ERG: variants seen among roughly 807,000 people sequenced by gnomAD.
ERG encodes the protein ETS transcription factor ERG, also known as transcriptional regulator ERG.
In ERG, 9 loss-of-function variants were observed where a neutral mutation model predicts 55.3. That is an observed-to-expected ratio of 0.16 (90% CI 0.10 to 0.28). The LOEUF (loss-of-function observed/expected upper bound fraction) is 0.28, where lower values mean the gene tolerates loss of function less well. ERG is among the 10% of genes least tolerant of loss of function. The pLI is 1.00. For synonymous variants in ERG, 223 were observed against 237.3 expected (o/e 0.94, Z 0.55); for missense variants, 434 against 631.6 (o/e 0.69, Z 3.35).
intron 2 of ERG, among the ~76,000 whole-genome samples, chr21:38,560,202 A>G (rs1024467802): frequency 2.6e-5 from 4 of 152,260 alleles, no homozygotes; most frequent in African/African-American, 9.6e-5. Flanking sequence ...AAGGAGGGTG[A>G]CAATGTCAAG....
intron 2 of ERG, among the ~76,000 whole-genome samples, chr21:38,429,742 T>TACAC (rs377310789): frequency 0.33 from 35,220 of 105,910 alleles, 7,610 homozygotes; most frequent in Middle Eastern, 0.45. Flanking sequence ...TGTGTATATA[T>TACAC]ATATACACAC....
At chr21:38,589,797 T>C (rs1268976404), upstream of ERG, among the ~76,000 whole-genome samples, 1 of 152,168 alleles carries the variant, frequency 6.6e-6, no homozygotes, top group Non-Finnish European at 1.5e-5. Context: ...AAACCAACTC[T>C]GAAGGCATCT....
chr21:38,646,462 T>C (rs1261469890), intron 1 of ERG, among the ~76,000 whole-genome samples: 1 of 152,126 alleles, frequency 6.6e-6, no homozygotes, highest in Admixed American at 6.5e-5. Flanking sequence ...TCAAACAGAA[T>C]GTTAGATTCT....
chr21:38,466,800 A>G (rs569807666), intron 1 of ERG, among the ~76,000 whole-genome samples: 31 of 152,164 alleles, frequency 2.0e-4, no homozygotes, highest in Non-Finnish European at 3.5e-4. Flanking sequence ...GGGAGCCCCA[A>G]ACTGTGAAGT....
At chr21:38,393,238 A>G (rs937775802) in intron 6 of ERG, among the ~76,000 whole-genome samples, 1 of 152,240 alleles carries the variant, frequency 6.6e-6, no homozygotes, top group Non-Finnish European at 1.5e-5. Context: ...TACTTTTCAT[A>G]TGCAAATTTA....
intron 5 of ERG, among the ~76,000 whole-genome samples, chr21:38,401,422 C>A (rs533710826): frequency 4.6e-5 from 7 of 152,106 alleles, no homozygotes; most frequent in Non-Finnish European, 8.8e-5. Context: ...ATGTGTGCAA[C>A]CAAAATTATT....
intron 2 of ERG, among the ~76,000 whole-genome samples, chr21:38,435,122 C>T (rs1990388964): frequency 6.6e-6 from 1 of 152,108 alleles, no homozygotes; most frequent in Non-Finnish European, 1.5e-5. Flanking sequence ...GCGAGAGAAC[C>T]CCCACAAGGA....
intron 3 of ERG, among the ~76,000 whole-genome samples, chr21:38,406,687 C>G (rs557180976): frequency 6.6e-6 from 1 of 151,864 alleles, no homozygotes. Flanking sequence ...ACTGTACTTC[C>G]TAGAAATAAG....
intron 1 of ERG, among the ~76,000 whole-genome samples, chr21:38,494,948 G>A (rs755059299): frequency 3.7e-4 from 56 of 152,218 alleles, no homozygotes; most frequent in African/African-American, 7.5e-4. Flanking sequence ...GCCACTTTTC[G>A]GCAAGGACAA....
intron 2 of ERG, chr21:38,575,522 AT>A (rs2059989391): frequency 3.2e-6 from 2 of 627,108 alleles, no homozygotes; most frequent in East Asian, 5.4e-5. Flanking sequence ...TTTTTCAACC[AT>A]TTAAAAAAGT....
chr21:38,451,205 G>A (rs1964637504), intron 1 of ERG: 3 of 509,292 alleles, frequency 5.9e-6, no homozygotes, highest in African/African-American at 1.9e-5. Flanking sequence ...GATCTGGGAT[G>A]GAATAAAGGA....
At chr21:38,468,982 C>CAAAAAAAAAAA (rs1261630693) in intron 1 of ERG, among the ~76,000 whole-genome samples, 45 of 29,006 alleles carry the variant, frequency 1.6e-3, no homozygotes, top group Non-Finnish European at 2.1e-3. Context: ...GACTCTGTCT[C>CAAAAAAAAAAA]AAAAAAAAAA....
the ERG span, among the ~76,000 whole-genome samples, chr21:38,368,606 G>T: frequency 2.0e-5 from 3 of 152,242 alleles, no homozygotes; most frequent in African/African-American, 7.2e-5. Flanking sequence ...AACTGTATCA[G>T]ACTTTTTTTT....
chr21:38,415,468 A>G (rs754923837), intron 3 of ERG, among the ~76,000 whole-genome samples: 1 of 152,206 alleles, frequency 6.6e-6, no homozygotes, highest in Non-Finnish European at 1.5e-5. Flanking sequence ...TACACATAAT[A>G]AACTTTGATG....
At chr21:38,539,568 C>T (rs73438148) in intron 2 of ERG, among the ~76,000 whole-genome samples, 1,554 of 152,200 alleles carry the variant, frequency 0.01, 31 homozygotes, top group African/African-American at 0.035. Context: ...CATGAGAAGA[C>T]AGAAATCGAC....
At chr21:38,473,497 C>G (rs778755498) in intron 1 of ERG, among the ~76,000 whole-genome samples, 11 of 151,280 alleles carry the variant, frequency 7.3e-5, no homozygotes, top group African/African-American at 2.2e-4. Flanking sequence ...ATTTTAGATA[C>G]CAGAGAGTGG....
At chr21:38,638,893 A>C (rs745984417) in intron 1 of ERG, among the ~76,000 whole-genome samples, 2 of 152,106 alleles carry the variant, frequency 1.3e-5, no homozygotes, top group Non-Finnish European at 2.9e-5. Context: ...CTCCAGAGAG[A>C]AATCAGGGAC....
At position 38,425,382 on chromosome 21, in the gene ERG, T is replaced by A. The variant is rs116568874; in HGVS notation, c.237-1821A>T. 5.0e-3 allele frequency among the ~76,000 whole-genome samples: 728 copies of A among 145,668 alleles called. 2 individuals are homozygous for A. The highest frequency in any genetic ancestry group is 0.017 in the African/African-American group (683 of 39,218). The stretch of plus-strand genomic sequence containing the variant: ...CCTGGGCAACATGAGTGAAACTCCA[T>A]CAAAAAAAGAAGAAAGGAAAGAAAG... On this transcript the variant is annotated intron_variant, in intron 2 of 9. Coordinates refer to ENST00000288319, the MANE Select transcript of ERG (RefSeq NM_182918.4).
intron 2 of ERG, among the ~76,000 whole-genome samples, chr21:38,543,439 A>G (rs1217505982): frequency 1.3e-5 from 2 of 151,594 alleles, no homozygotes; most frequent in Non-Finnish European, 2.9e-5. Context: ...GTATATACAC[A>G]TATCTTTATA....
Sources: allele counts gnomAD v4.1 joint callset (sites outside exome capture counted in the v4.1 genomes callset), GRCh38; gene constraint gnomAD v4.1.1; transcripts MANE v1.5; gene names NCBI Gene and HGNC (gene_info 2026-07-23, HGNC 2026-07-21).